The following ZNF536 variants were observed in gnomAD, a reference collection of about 807,000 sequenced individuals.
The protein encoded by ZNF536 is zinc finger protein 536.
A neutral mutation model predicts 84.5 loss-of-function variants in ZNF536; 13 were observed. That is an observed-to-expected ratio of 0.15 (90% CI 0.10 to 0.24). The LOEUF is 0.24. Ranked by LOEUF, ZNF536 falls within the 10% of genes least tolerant of loss-of-function variation. The pLI, the probability that ZNF536 is intolerant of heterozygous loss-of-function variation, is 1.00. For synonymous variants in ZNF536, 811 were observed against 742.5 expected, an observed-to-expected ratio of 1.09 and a Z score of -1.50; for missense variants, 1,536 against 1,747.5, an observed-to-expected ratio of 0.88 and a Z score of 2.16.
At chr19:30,594,592 T>C (rs2047386883) in intron 1 of ZNF536, among the ~76,000 whole-genome samples, 1 of 152,088 alleles carries the variant, frequency 6.6e-6, no homozygotes, top group Non-Finnish European at 1.5e-5. Flanking sequence ...CTTGACCAGA[T>C]CATTAGGCGC....
intron 1 of ZNF536, among the ~76,000 whole-genome samples, chr19:30,677,947 C>T (rs922627012): frequency 6.6e-6 from 1 of 152,156 alleles, no homozygotes; most frequent in African/African-American, 2.4e-5. Context: ...AGCTATCACC[C>T]TGAGCCACCG....
chr19:30,623,020 G>GTTTTTTT (rs66483120), intron 1 of ZNF536, among the ~76,000 whole-genome samples: 8 of 129,528 alleles, frequency 6.2e-5, no homozygotes, highest in African/African-American at 8.9e-5. Flanking sequence ...AAAATCTTGT[G>GTTTTTTT]TTTTTTTTTT....
At chr19:30,696,150 A>T in intron 1 of ZNF536, among the ~76,000 whole-genome samples, 1 of 152,220 alleles carries the variant, frequency 6.6e-6, no homozygotes, top group Non-Finnish European at 1.5e-5. Context: ...AAAGCTGTTA[A>T]CCTGAAAAGT....
Position 30,353,848 on chromosome 19 carries a change from C to T in ZNF536, c.-3+1364C>T, listed in dbSNP as rs531894767. ...TGCTACATTGATGGTGAGGATTCTG[C>T]CACGCGGATGCTCACAGTTTTGGAA... On this transcript the variant is annotated intron_variant, in intron 3 of 5. Transcript: ENST00000585628. Among the ~76,000 whole-genome samples the T allele has an allele frequency of 2.6e-4, 40 of 152,260 alleles. 1 individual carries two copies. The South Asian group carries it at 8.1e-3, about 31-fold the overall frequency.
At chr19:30,640,582 G>T (rs939111423) in intron 1 of ZNF536, among the ~76,000 whole-genome samples, 2 of 152,178 alleles carry the variant, frequency 1.3e-5, no homozygotes. Flanking sequence ...TCAGGCCCAA[G>T]ATCCTCCAGG....
chr19:30,269,912 C>T (rs1324722121), intron 1 of ZNF536, among the ~76,000 whole-genome samples: 1 of 152,146 alleles, frequency 6.6e-6, no homozygotes, highest in Non-Finnish European at 1.5e-5. Context: ...TCAGGGACGG[C>T]ACTGTTTATT....
chr19:30,486,929 C>T (rs969704571), intron 2 of ZNF536, among the ~76,000 whole-genome samples: 2 of 152,176 alleles, frequency 1.3e-5, no homozygotes, highest in Non-Finnish European at 2.9e-5. Flanking sequence ...GTAGAAGGAA[C>T]ACAGTTCATC....
rs533831411 is a variant in ZNF536, at chr19:30,467,184, T to A, written c.2170+21452T>A. Among the ~76,000 whole-genome samples, 26 of 152,290 alleles carry A rather than the reference T, an allele frequency of 1.7e-4. No homozygotes were observed. In the East Asian group the frequency reaches 4.8e-3, roughly 28 times the overall value. Reference sequence around the variant, plus strand: ...ATTTGTGGTATGAGCTACATGCACATGGTTATGTTATCATCAATACCACCC... The same window carrying A: ...ATTTGTGGTATGAGCTACATGCACAAGGTTATGTTATCATCAATACCACCC... On this transcript the variant is annotated intron_variant, in intron 2 of 4. Transcript: ENST00000355537.
intron 3 of ZNF536, among the ~76,000 whole-genome samples, chr19:30,540,162 T>A (rs531533969): frequency 1.1e-4 from 17 of 152,218 alleles, no homozygotes; most frequent in Non-Finnish European, 1.9e-4. Flanking sequence ...GGGTTCAGCA[T>A]TGGGCTGAAG....
chr19:30,260,765 C>G (rs985337101), intron 1 of ZNF536, among the ~76,000 whole-genome samples: 1 of 152,148 alleles, frequency 6.6e-6, no homozygotes, highest in African/African-American at 2.4e-5. Flanking sequence ...AGGCTTCAGC[C>G]CCCGGAGCAG....
Position 30,444,312 on chromosome 19 carries a change from C to A in ZNF536, c.750C>A (p.Asp250Glu). The A allele has an allele frequency of 1.3e-6, 2 of 1,585,764 alleles. No homozygotes were observed. Among genetic ancestry groups the A allele is most frequent in the Non-Finnish European group, 1.7e-6 (2 of 1,172,950 alleles). ...TGCAGGCTAACCACAGCGTTCCCGA[C>A]GTGGCCCACCCGGTGCCCTCGCCCA... is the stretch of plus-strand genomic sequence containing the variant. ...LALQANHSVP[D>E]VAHPVPSPKP... is the part of the protein sequence containing the mutation. The change falls in exon 2 of 5, where the codon GAC becomes GAA. Residue 250 changes from aspartate to glutamate, a missense_variant. By Grantham distance (45) the Asp-to-Glu change is conservative. Around this residue, in one of 8 missense-constraint regions of ZNF536, gnomAD observed 138 missense variants for 136.8 expected, o/e 1.01. Coordinates refer to ENST00000355537, the MANE Select transcript of ZNF536 (RefSeq NM_014717.3).
chr19:30,507,088 G>A (rs939322797), intron 2 of ZNF536, among the ~76,000 whole-genome samples: 5 of 152,306 alleles, frequency 3.3e-5, no homozygotes, highest in African/African-American at 4.8e-5. Context: ...CTGGCTGGGC[G>A]TGGTGGCTCA....
chr19:30,549,334 C>T lies in ZNF536; in HGVS notation c.3715C>T (p.Leu1239Phe), dbSNP rs2146251269. The change falls in exon 4 of 5, where the codon CTC (leucine) becomes TTC (phenylalanine). Residue 1239 changes from leucine to phenylalanine, a missense_variant. By Grantham distance (22) the Leu-to-Phe change is conservative (BLOSUM62 0). This residue lies in a region of ZNF536 where 624 missense variants were observed against 603.1 expected (regional missense o/e 1.03). Coordinates refer to ENST00000355537, the MANE Select transcript of ZNF536 (RefSeq NM_014717.3). ...GAAGCAGTGGCACAGCCAGGGTCTTCTCCAAGCCCAGGACCCCTTGGCGGG... is the reference window on the plus strand; with the variant it reads ...GAAGCAGTGGCACAGCCAGGGTCTTTTCCAAGCCCAGGACCCCTTGGCGGG... ...PEKQWHSQGL[L>F]QAQDPLAGLP... The T allele has an allele frequency of 1.2e-6, 2 of 1,609,662 alleles. No individual in the cohort carries two copies. Among genetic ancestry groups the T allele is most frequent in the Non-Finnish European group, 1.7e-6 (2 of 1,177,506 alleles).
chr19:30,492,548 TA>T (rs1472623248), intron 2 of ZNF536, among the ~76,000 whole-genome samples: 20 of 152,208 alleles, frequency 1.3e-4, no homozygotes, highest in African/African-American at 4.6e-4. Flanking sequence ...ATTATTATTA[TA>T]AAAATGATCT....
intron 1 of ZNF536, among the ~76,000 whole-genome samples, chr19:30,617,704 C>T (rs1403241830): frequency 6.6e-6 from 1 of 152,090 alleles, no homozygotes; most frequent in African/African-American, 2.4e-5. Context: ...TCTTTAACCC[C>T]TATGCCACAC....
At chr19:30,634,517 T>A (rs2048996582) in intron 1 of ZNF536, among the ~76,000 whole-genome samples, 1 of 152,166 alleles carries the variant, frequency 6.6e-6, no homozygotes, top group East Asian at 1.9e-4. Flanking sequence ...GCTTCCTGGG[T>A]ACCAGCCAGG....
chr19:30,581,149 G>T (rs1599873802), intron 1 of ZNF536, among the ~76,000 whole-genome samples: 1 of 152,228 alleles, frequency 6.6e-6, no homozygotes, highest in South Asian at 2.1e-4. Context: ...CAACTAATAA[G>T]TTCAACTACT....
intron 1 of ZNF536, among the ~76,000 whole-genome samples, chr19:30,392,680 A>G (rs1431150603): frequency 6.6e-6 from 1 of 152,138 alleles, no homozygotes; most frequent in Non-Finnish European, 1.5e-5. Context: ...GCTCCCAAAC[A>G]AAGAGTTATG....
chr19:30,666,846 A>G (rs7508481), intron 1 of ZNF536, among the ~76,000 whole-genome samples: 31,252 of 150,680 alleles, frequency 0.21, 3,702 homozygotes, highest in African/African-American at 0.29. Flanking sequence ...ATATATATAT[A>G]TATGTATGTA....
Sources: gnomAD v4.1 joint callset for allele counts (sites outside exome capture counted in the v4.1 genomes callset) on GRCh38, gnomAD v4.1.1 for gene constraint, gnomAD v4.1.1 regional missense constraint, MANE v1.5 for transcripts, NCBI Gene and HGNC (gene_info 2026-07-23, HGNC 2026-07-21) for gene names.